Variants in ANO10 observed in about 807,000 individuals in gnomAD.
ANO10 encodes anoctamin-10.
Under a neutral mutation model 74.7 loss-of-function variants are expected in ANO10, and 77 were observed. That is an observed-to-expected ratio of 1.03 (90% CI 0.86 to 1.25). The LOEUF is 1.25. Ranked by LOEUF, ANO10 falls within the 50% of genes most tolerant of loss-of-function variation. The probability of loss-of-function intolerance (pLI) is 0.00; values close to 1 mark genes in which losing one functional copy is unlikely to be tolerated. For missense variants in ANO10, 721 were observed against 778.1 expected (o/e 0.93, Z 0.87); for synonymous variants, 279 against 284.9 (o/e 0.98, Z 0.21).
Position 43,377,438 on chromosome 3 carries a change from G to A in ANO10, c.1915-10464C>T, listed in dbSNP as rs181213948. ...TCCCTCCTCCTTGCCTGGGAGGAAG[G>A]GTGCCAAGTCCTTCAGGAATAACTA... On this transcript the variant is annotated intron_variant, in intron 12 of 12. Transcript: ENST00000292246. 1.7e-3 allele frequency among the ~76,000 whole-genome samples: 262 copies of A among 152,224 alleles called. 1 individual carries two copies. Among genetic ancestry groups the A allele is most frequent in the African/African-American group, 6.0e-3 (248 of 41,526 alleles).
At chr3:43,544,130 C>G (rs951916543) in intron 11 of ANO10, among the ~76,000 whole-genome samples, 2 of 151,878 alleles carry the variant, frequency 1.3e-5, no homozygotes, top group African/African-American at 4.8e-5. Flanking sequence ...AAAATTACAT[C>G]AAAAAAGCAA....
chr3:43,591,192 C>T (rs908159588), intron 4 of ANO10, among the ~76,000 whole-genome samples: 9 of 152,196 alleles, frequency 5.9e-5, no homozygotes, highest in African/African-American at 2.2e-4. Context: ...GCTCACCATC[C>T]ACCACTGCTG....
At chr3:43,507,342 T>C (rs2077333225) in intron 11 of ANO10, among the ~76,000 whole-genome samples, 1 of 151,936 alleles carries the variant, frequency 6.6e-6, no homozygotes, top group Non-Finnish European at 1.5e-5. Flanking sequence ...GAATAAGAAG[T>C]GTTCAGCGAG....
intron 12 of ANO10, among the ~76,000 whole-genome samples, chr3:43,423,393 C>T (rs1055873373): frequency 3.3e-5 from 5 of 152,156 alleles, no homozygotes; most frequent in Admixed American, 2.0e-4. Flanking sequence ...GTCTATTGGG[C>T]GCCAGGCCCT....
intron 1 of ANO10, among the ~76,000 whole-genome samples, chr3:43,617,171 T>C (rs1037227927): frequency 1.2e-4 from 17 of 147,286 alleles, no homozygotes; most frequent in African/African-American, 4.3e-4. Flanking sequence ...GCATACGAGA[T>C]GAAAAAATGG....
chr3:43,418,017 G>A (rs1158752046), intron 12 of ANO10, among the ~76,000 whole-genome samples: 1 of 152,168 alleles, frequency 6.6e-6, no homozygotes, highest in Non-Finnish European at 1.5e-5. Context: ...AGTGGCTCAC[G>A]CCTGTAATCC....
intron 12 of ANO10, among the ~76,000 whole-genome samples, chr3:43,427,988 G>C (rs1281306241): frequency 6.6e-6 from 1 of 152,018 alleles, no homozygotes; most frequent in Non-Finnish European, 1.5e-5. Flanking sequence ...GCAAAGCCTT[G>C]AGTCAGCAAA....
rs535253758 is a variant in ANO10 at position 43,655,862 on chromosome 3, C to A, written c.-12+35655G>T. Among the ~76,000 whole-genome samples the A allele has an allele frequency of 1.8e-4, 16 of 89,896 alleles. No homozygotes were observed. In the East Asian group the frequency reaches 3.3e-3, roughly 18 times the overall value. 59.0% of individuals were successfully genotyped at this position (89,896 alleles called of 152,430 possible). On this transcript the variant is annotated intron_variant, in intron 1 of 3. Transcript: ENST00000413397. ...ACATAAAGGTTCTCCACGTCCCCAC[C>A]AGAGCAGCTAGATACAGTGTCCATT... is the stretch of plus-strand genomic sequence containing the variant.
At chr3:43,587,716 C>T (rs1031007649) in intron 4 of ANO10, among the ~76,000 whole-genome samples, 1 of 151,816 alleles carries the variant, frequency 6.6e-6, no homozygotes, top group Non-Finnish European at 1.5e-5. Context: ...AATCAAGATC[C>T]GACATCCCAT....
intron 11 of ANO10, among the ~76,000 whole-genome samples, chr3:43,484,560 C>T (rs1474981898): frequency 6.6e-6 from 1 of 152,156 alleles, no homozygotes; most frequent in Admixed American, 6.5e-5. Flanking sequence ...GGTCTGCTGT[C>T]ATGTGATGCT....
At chr3:43,653,838 G>A (rs762024468) in intron 1 of ANO10, among the ~76,000 whole-genome samples, 7 of 151,988 alleles carry the variant, frequency 4.6e-5, no homozygotes, top group Non-Finnish European at 8.8e-5. Context: ...CTATCCCTTC[G>A]GACAGAAGTT....
At chr3:43,675,425 T>C (rs529451416) in intron 1 of ANO10, among the ~76,000 whole-genome samples, 1 of 152,236 alleles carries the variant, frequency 6.6e-6, no homozygotes, top group South Asian at 2.1e-4. Context: ...CAAAAGTATG[T>C]GCCATATGAA....
At chr3:43,690,996 G>T (rs372312565) in intron 1 of ANO10, 1 of 1,572,910 alleles carries the variant, frequency 6.4e-7, no homozygotes, top group South Asian at 1.1e-5. Context: ...GGCGGCTATG[G>T]CGGCGGAGGA....
intron 11 of ANO10, among the ~76,000 whole-genome samples, chr3:43,441,546 C>T (rs552443374): frequency 3.0e-4 from 45 of 152,118 alleles, no homozygotes; most frequent in African/African-American, 9.6e-4. Context: ...AAGCCCAGGA[C>T]CAGAGAGCTT....
Position 43,605,865 on chromosome 3 carries a change from T to C in ANO10, c.-11-2A>G. The C allele has an allele frequency of 6.2e-7, 1 of 1,612,974 alleles. No individual in the cohort carries two copies. Among genetic ancestry groups the C allele is most frequent in the Non-Finnish European group, 8.5e-7 (1 of 1,179,480 alleles). Reference sequence around the variant, plus strand: ...AGGTCACTTTCATCTTTGACAAATCTGCGGAAAATTAAAATAAAGAGTGAA... The same window carrying C: ...AGGTCACTTTCATCTTTGACAAATCCGCGGAAAATTAAAATAAAGAGTGAA... On this transcript the variant is annotated splice_acceptor_variant, in intron 1 of 12. Transcript: ENST00000292246. LOFTEE classifies it low-confidence loss of function (5UTR_SPLICE).
intron 11 of ANO10, among the ~76,000 whole-genome samples, chr3:43,534,265 C>T (rs2078600271): frequency 6.6e-6 from 1 of 152,126 alleles, no homozygotes; most frequent in African/African-American, 2.4e-5. Flanking sequence ...GGCAGGCCAC[C>T]ACTGTCCACA....
At chr3:43,648,375 G>A (rs1318505169) in intron 1 of ANO10, among the ~76,000 whole-genome samples, 2 of 152,152 alleles carry the variant, frequency 1.3e-5, no homozygotes, top group Non-Finnish European at 2.9e-5. Flanking sequence ...AGTTCAGGGC[G>A]AGTCCATAGA....
intron 1 of ANO10, among the ~76,000 whole-genome samples, chr3:43,684,600 T>G (rs1291231142): frequency 2.0e-5 from 3 of 152,184 alleles, no homozygotes; most frequent in Admixed American, 2.0e-4. Flanking sequence ...CATAGGATTA[T>G]AAAACATGCT....
intron 1 of ANO10, among the ~76,000 whole-genome samples, chr3:43,606,548 T>C (rs549936753): frequency 2.6e-4 from 40 of 151,680 alleles, no homozygotes; most frequent in African/African-American, 9.4e-4. Flanking sequence ...TAAAGGAGTC[T>C]AGAAAAAGCT....
Sources: allele counts gnomAD v4.1 joint callset (sites outside exome capture counted in the v4.1 genomes callset), GRCh38; gene constraint gnomAD v4.1.1; transcripts MANE v1.5; gene names NCBI Gene and HGNC (gene_info 2026-07-23, HGNC 2026-07-21).